The following CHL1 variants were observed in gnomAD, a reference collection of about 807,000 sequenced individuals.
CHL1 encodes the protein neural cell adhesion molecule L1-like protein.
A neutral mutation model predicts 141.9 loss-of-function variants in CHL1; 96 were observed. The ratio of observed to expected loss-of-function variants is 0.68; its 90% CI spans 0.57 to 0.80. The LOEUF (loss-of-function observed/expected upper bound fraction) is 0.80, where lower values mean the gene tolerates loss of function less well. Ranked by LOEUF, CHL1 falls within the 30% of genes least tolerant of loss-of-function variation. The pLI is 0.00. For synonymous variants in CHL1, 613 were observed against 502.2 expected (o/e 1.22, Z -2.95); for missense variants, 1,820 against 1,457.2 (o/e 1.25, Z -4.05).
intron 2 of CHL1, chr3:246,879 G>C (rs757656311): frequency 1.3e-5 from 2 of 152,048 alleles, no homozygotes; most frequent in Non-Finnish European, 2.9e-5. Flanking sequence ...GAAGGCTTAA[G>C]TAGTTGAATG....
chr3:221,614 A>C (rs1015194732), intron 1 of CHL1, among the ~76,000 whole-genome samples: 47 of 152,256 alleles, frequency 3.1e-4, no homozygotes, highest in Non-Finnish European at 2.5e-4. Context: ...GGGAATTCGC[A>C]TGAGCAACAC....
At chr3:205,662 C>T (rs187019161) in intron 1 of CHL1, among the ~76,000 whole-genome samples, 7 of 151,992 alleles carry the variant, frequency 4.6e-5, no homozygotes, top group South Asian at 2.1e-4. Context: ...TGTGTGTGCG[C>T]GCGCACGTGT....
At chr3:226,419 CAT>C (rs1299440383) in intron 1 of CHL1, among the ~76,000 whole-genome samples, 1 of 146,054 alleles carries the variant, frequency 6.8e-6, no homozygotes, top group African/African-American at 2.5e-5. Context: ...ATTATACACA[CAT>C]ATATATTTTT....
chr3:322,648 ATAT>A (rs1700674085), intron 3 of CHL1, among the ~76,000 whole-genome samples: 1 of 45,520 alleles, frequency 2.2e-5, no homozygotes, highest in Admixed American at 1.9e-4. Flanking sequence ...TATATAAAAT[ATAT>A]ATATATATAT....
At chr3:226,646 C>A (rs1272860782) in intron 1 of CHL1, among the ~76,000 whole-genome samples, 1 of 151,870 alleles carries the variant, frequency 6.6e-6, no homozygotes, top group Admixed American at 6.6e-5. Context: ...AGGGTTTCAC[C>A]ATGTTGGCCA....
intron 2 of CHL1, among the ~76,000 whole-genome samples, chr3:283,777 T>C (rs192336231): frequency 5.3e-5 from 8 of 152,232 alleles, no homozygotes; most frequent in African/African-American, 1.7e-4. Flanking sequence ...CTCCCAATTG[T>C]AACAACCAAA....
At chr3:211,153 G>A (rs757306531) in intron 1 of CHL1, among the ~76,000 whole-genome samples, 4 of 152,234 alleles carry the variant, frequency 2.6e-5, no homozygotes, top group Admixed American at 6.5e-5. Context: ...GATTACTCAA[G>A]GCTTCACTCT....
chr3:339,433 G>A (rs1040720141), intron 5 of CHL1, among the ~76,000 whole-genome samples: 1 of 152,174 alleles, frequency 6.6e-6, no homozygotes, highest in Non-Finnish European at 1.5e-5. Flanking sequence ...GTGATTCAAA[G>A]ATGGTTGCTA....
Position 382,529 on chromosome 3 carries a change from G to T in CHL1, c.2034G>T (p.Leu678=). The T allele has an allele frequency of 1.9e-6, 3 of 1,613,888 alleles. No homozygotes were observed. In the South Asian group the frequency reaches 3.3e-5, roughly 18 times the overall value. ...NKEEPGRWEE[L]TRVQGKKTTV... ...AAGAGCCTGGAAGGTGGGAGGAACTGACCAGAGTCCAAGGAAAGAAAACCA... is the reference window on the plus strand; with the variant it reads ...AAGAGCCTGGAAGGTGGGAGGAACTTACCAGAGTCCAAGGAAAGAAAACCA... The change falls in exon 18 of 28, where the codon CTG becomes CTT. Residue 678 remains leucine (L), a synonymous_variant. Transcript: ENST00000256509.
At position 255,285 on chromosome 3, in the gene CHL1, CTG is replaced by C. The variant is rs546627903; in HGVS notation, c.-95+10594_-95+10595del. On this transcript the variant is annotated intron_variant, in intron 2 of 27. Coordinates refer to ENST00000256509, the MANE Select transcript of CHL1 (RefSeq NM_006614.4). ...GTCTCTTTCTTATTCACTGAAATGA[CTG>C]GAGTCCCAGCTGCTAGGATTCAAAG... 1.6e-4 allele frequency among the ~76,000 whole-genome samples: 25 copies of C among 152,282 alleles called. No homozygotes were observed. The South Asian group carries it at 4.8e-3, about 29-fold the overall frequency.
At chr3:290,795 G>C (rs2125338039) in intron 2 of CHL1, among the ~76,000 whole-genome samples, 1 of 152,088 alleles carries the variant, frequency 6.6e-6, no homozygotes, top group African/African-American at 2.4e-5. Flanking sequence ...AATTAGCCAG[G>C]TGTGGTGGCA....
At chr3:228,230 CAG>C (rs1400839618) in intron 1 of CHL1, among the ~76,000 whole-genome samples, 4 of 152,290 alleles carry the variant, frequency 2.6e-5, no homozygotes, top group South Asian at 2.1e-4. Context: ...AATGAAAACA[CAG>C]GGGAATGTTT....
At chr3:339,087 C>T (rs2125134621) in intron 5 of CHL1, among the ~76,000 whole-genome samples, 2 of 152,220 alleles carry the variant, frequency 1.3e-5, no homozygotes, top group East Asian at 3.9e-4. Flanking sequence ...TCCTCTGCTG[C>T]CTCTTGTATC....
At chr3:239,277 G>A (rs1234463715) in intron 1 of CHL1, among the ~76,000 whole-genome samples, 1 of 152,176 alleles carries the variant, frequency 6.6e-6, no homozygotes, top group African/African-American at 2.4e-5. Flanking sequence ...ATTCCTCCAA[G>A]CCATTCTGCA....
intron 3 of CHL1, 28 bp from the exon 4 acceptor site, chr3:325,931 G>C (rs771069034): frequency 2.7e-6 from 4 of 1,504,578 alleles, no homozygotes; most frequent in Non-Finnish European, 3.7e-6. Flanking sequence ...TGAATAGTGT[G>C]TTTTTAAGTA....
intron 25 of CHL1, 50 bp from the exon 26 acceptor site, chr3:398,967 C>A: frequency 6.3e-7 from 1 of 1,578,430 alleles, no homozygotes; most frequent in Non-Finnish European, 8.7e-7. Flanking sequence ...TTACAGAATA[C>A]AAAAGACTGT....
chr3:354,113 A>G lies in CHL1; in HGVS notation c.1034-527A>G, dbSNP rs183115928. 1.9e-3 allele frequency among the ~76,000 whole-genome samples: 290 copies of G among 152,294 alleles called. 2 individuals are homozygous for G. The highest frequency in any genetic ancestry group is 6.6e-3 in the African/African-American group (275 of 41,576). On this transcript the variant is annotated intron_variant, in intron 10 of 27. Transcript: ENST00000256509. ...CTCTCCCCTCTTACAAAAAAACTCT[A>G]GGAAATAATATTTTTCAAGTAGATT...
intron 1 of CHL1, chr3:197,522 C>A (rs541791504): frequency 7.1e-4 from 169 of 238,334 alleles, no homozygotes; most frequent in African/African-American, 3.6e-3. Flanking sequence ...TGTCTCCCAC[C>A]GCGCCCCTCG....
chr3:360,652 C>T (rs1575160625), intron 12 of CHL1, among the ~76,000 whole-genome samples: 1 of 150,546 alleles, frequency 6.6e-6, no homozygotes, highest in East Asian at 1.9e-4. Context: ...AGGTTAGTTA[C>T]ATATGTATAC....
Sources: allele counts gnomAD v4.1 joint callset (sites outside exome capture counted in the v4.1 genomes callset), GRCh38; gene constraint gnomAD v4.1.1; transcripts MANE v1.5; gene names NCBI Gene and HGNC (gene_info 2026-07-23, HGNC 2026-07-21).